Variants in ATP8B1 observed in about 807,000 individuals in gnomAD.
ATP8B1 encodes the protein phospholipid-transporting ATPase IC.
In ATP8B1, 80 loss-of-function variants were observed where a neutral mutation model predicts 149.9. The observed-to-expected ratio is 0.53, with a 90% CI of 0.45 to 0.64. The LOEUF is 0.64. Ranked by LOEUF, ATP8B1 falls within the 30% of genes least tolerant of loss-of-function variation. The pLI, the probability that ATP8B1 is intolerant of heterozygous loss-of-function variation, is 0.00. For missense variants in ATP8B1, 1,247 were observed against 1,552.6 expected (o/e 0.80, Z 3.31); for synonymous variants, 536 against 562.8 (o/e 0.95, Z 0.67).
At chr18:57,731,925 G>T in intron 1 of ATP8B1, 93 bp from the exon 2 acceptor site, 1 of 1,147,550 alleles carries the variant, frequency 8.7e-7, no homozygotes, top group Non-Finnish European at 1.3e-6. Context: ...CCCTTTTACA[G>T]AACATTGTCT....
intron 11 of ATP8B1, among the ~76,000 whole-genome samples, chr18:57,693,717 A>C (rs932146583): frequency 2.2e-4 from 33 of 152,160 alleles, no homozygotes; most frequent in African/African-American, 4.3e-4. Flanking sequence ...TCAAAAAAAA[A>C]CAAATAATAA....
At chr18:57,782,803 CTTTTTTTTTTTT>C (rs79009229) in intron 1 of ATP8B1, among the ~76,000 whole-genome samples, 1,150 of 91,178 alleles carry the variant, frequency 0.013, 35 homozygotes, top group African/African-American at 0.045. Context: ...TAGTTTGTCT[CTTTTTTTTTTTT>C]TTTTTTTTTT....
rs1158900745 is a variant in ATP8B1 at position 57,802,550 on chromosome 18, G to A, written c.-26+448C>T. On this transcript the variant is annotated intron_variant, in intron 1 of 27. Transcript: ENST00000648908. The surrounding 1 kb of genome is among the most constrained non-coding windows in gnomAD (Gnocchi z 4.9). ...CCGCAAGTCCTTTTCGGACACGTTG[G>A]CATCTGCTCCCAAAGAGCGCCCCAG... 6.6e-6 allele frequency among the ~76,000 whole-genome samples: 1 copy of A among 152,194 alleles called. No homozygotes were observed. Among genetic ancestry groups the A allele is most frequent in the Non-Finnish European group, 1.5e-5 (1 of 68,032 alleles).
chr18:57,732,630 T>C (rs2079798399), intron 1 of ATP8B1, among the ~76,000 whole-genome samples: 1 of 152,106 alleles, frequency 6.6e-6, no homozygotes, highest in African/African-American at 2.4e-5. Context: ...TGGCACGATC[T>C]CGGCTCACTG....
intron 15 of ATP8B1, among the ~76,000 whole-genome samples, chr18:57,680,615 C>CA (rs773143491): frequency 1.6e-3 from 214 of 137,780 alleles, no homozygotes; most frequent in African/African-American, 4.4e-3. Flanking sequence ...CAAAACAAAA[C>CA]AAAAAAAAAA....
chr18:57,782,460 T>C (rs552512706), intron 1 of ATP8B1, among the ~76,000 whole-genome samples: 1 of 152,328 alleles, frequency 6.6e-6, no homozygotes, highest in African/African-American at 2.4e-5. Flanking sequence ...GACTCTTACA[T>C]TGTCTACTTT....
rs142776597 is a variant in ATP8B1 at position 57,664,944 on chromosome 18, T to C, written c.2285+2148A>G. ...AGAAGGCTTCTCAGCCTTTGCACTC[T>C]TGATGTCTTGGGCCTAATAATCCTT... On this transcript the variant is annotated intron_variant, in intron 20 of 27. Coordinates refer to ENST00000648908, the MANE Select transcript of ATP8B1 (RefSeq NM_001374385.1). Among the ~76,000 whole-genome samples the C allele has an allele frequency of 8.4e-3, 1,281 of 152,294 alleles. 10 individuals carry two copies. The highest frequency in any genetic ancestry group is 0.011 in the Non-Finnish European group (732 of 68,016).
chr18:57,703,431 G>A lies in ATP8B1; in HGVS notation c.393+1124C>T, dbSNP rs140298781. Among the ~76,000 whole-genome samples, 158 of 152,158 alleles carry A rather than the reference G, an allele frequency of 1.0e-3. 2 individuals are homozygous for A. The highest frequency in any genetic ancestry group is 4.8e-3 in the East Asian group (25 of 5,178). On this transcript the variant is annotated intron_variant, in intron 4 of 27. Transcript: ENST00000648908. ...CTAAAAATACAAAAATTAGCTGGGC[G>A]TGGTGGCTGGCAACTGTGATCCCAG... is the stretch of plus-strand genomic sequence containing the variant.
rs372472702 is a variant in ATP8B1 at position 57,697,808 on chromosome 18, T to C, written c.614A>G (p.Asn205Ser). Residue 205 changes from asparagine to serine, a missense_variant, in exon 7 of 28, where the codon AAT becomes AGT. Asn to Ser is a conservative substitution (Grantham distance 46). This residue lies in a region of ATP8B1 where 853 missense variants were observed against 1,035.7 expected (regional missense o/e 0.82). Coordinates refer to ENST00000648908, the MANE Select transcript of ATP8B1 (RefSeq NM_001374385.1). ...TTGTTCACTTACTGGAACAAAATCA[T>C]TTTTTTTCAGACGAATGACGTCTCC... ...QVGDVIRLKK[N>S]DFVPADILLL... The C allele has an allele frequency of 1.2e-6, 2 of 1,612,068 alleles. No individual in the cohort carries two copies. Among genetic ancestry groups the C allele is most frequent in the Non-Finnish European group, 1.7e-6 (2 of 1,178,420 alleles).
intron 1 of ATP8B1, among the ~76,000 whole-genome samples, chr18:57,747,539 A>G (rs1231738773): frequency 6.6e-6 from 1 of 152,158 alleles, no homozygotes; most frequent in Non-Finnish European, 1.5e-5. Flanking sequence ...AGCTGCAAAT[A>G]CAAACAGATG....
chr18:57,788,081 A>G (rs951653105), intron 1 of ATP8B1, among the ~76,000 whole-genome samples: 1 of 152,160 alleles, frequency 6.6e-6, no homozygotes, highest in African/African-American at 2.4e-5. Flanking sequence ...CCTATTGTCT[A>G]TCCCTGCTAC....
intron 12 of ATP8B1, among the ~76,000 whole-genome samples, chr18:57,690,967 G>A (rs1245975528): frequency 6.6e-6 from 1 of 152,118 alleles, no homozygotes; most frequent in Non-Finnish European, 1.5e-5. Flanking sequence ...CTGAGGTCAG[G>A]AGTTGAAGAC....
chr18:57,744,887 C>T (rs1282759130), intron 1 of ATP8B1, among the ~76,000 whole-genome samples: 1 of 152,152 alleles, frequency 6.6e-6, no homozygotes, highest in Non-Finnish European at 1.5e-5. Flanking sequence ...TACAGAGAGA[C>T]AACTTATATT....
At chr18:57,779,993 T>C (rs1016968846) in intron 1 of ATP8B1, among the ~76,000 whole-genome samples, 1 of 152,150 alleles carries the variant, frequency 6.6e-6, no homozygotes, top group Non-Finnish European at 1.5e-5. Context: ...GCTAAACCTG[T>C]TATAAATCAC....
intron 2 of ATP8B1, among the ~76,000 whole-genome samples, chr18:57,713,233 TTCC>T: frequency 7.5e-6 from 1 of 133,592 alleles, no homozygotes; most frequent in Admixed American, 7.8e-5. Flanking sequence ...CCTTCCTTCC[TTCC>T]TTCCTTCTTT....
chr18:57,732,213 ATG>A (rs1209587223), intron 1 of ATP8B1, among the ~76,000 whole-genome samples: 23 of 46,062 alleles, frequency 5.0e-4, no homozygotes, highest in Middle Eastern at 0.015. Flanking sequence ...ATATGTATAT[ATG>A]TGTATATATG....
intron 13 of ATP8B1, among the ~76,000 whole-genome samples, chr18:57,687,928 C>T (rs1259746845): frequency 3.3e-5 from 5 of 151,874 alleles, no homozygotes; most frequent in Non-Finnish European, 7.4e-5. Flanking sequence ...TATAGCTGTG[C>T]GCCACCACCA....
chr18:57,782,803 C>CTCTTT (rs2080369139), intron 1 of ATP8B1, among the ~76,000 whole-genome samples: 2 of 91,178 alleles, frequency 2.2e-5, no homozygotes, highest in East Asian at 6.2e-4. Context: ...TAGTTTGTCT[C>CTCTTT]TTTTTTTTTT....
chr18:57,682,256 G>A (rs569343822), intron 15 of ATP8B1, among the ~76,000 whole-genome samples: 15 of 152,160 alleles, frequency 9.9e-5, no homozygotes, highest in African/African-American at 2.2e-4. Flanking sequence ...TGCCCGCCTC[G>A]GCCTCCCAAA....
Sources: gnomAD v4.1 joint callset for allele counts (sites outside exome capture counted in the v4.1 genomes callset) on GRCh38, gnomAD v4.1.1 for gene constraint, gnomAD v4.1.1 regional missense constraint, Gnocchi (gnomAD v3.1) non-coding constraint, MANE v1.5 for transcripts, NCBI Gene and HGNC (gene_info 2026-07-23, HGNC 2026-07-21) for gene names.